TRAF2: variants seen among roughly 807,000 people sequenced by gnomAD.
TRAF2 encodes the protein TNF receptor-associated factor 2.
Under a neutral mutation model 55.6 loss-of-function variants are expected in TRAF2, and 6 were observed. That is an observed-to-expected ratio of 0.11 (90% CI 0.06 to 0.21). The LOEUF is 0.21. Ranked by LOEUF, TRAF2 falls within the 10% of genes least tolerant of loss-of-function variation. The pLI, the probability that TRAF2 is intolerant of heterozygous loss-of-function variation, is 1.00. For synonymous variants in TRAF2, 329 were observed against 276.3 expected (o/e 1.19, Z -1.89); for missense variants, 561 against 684.5 (o/e 0.82, Z 2.01).
At chr9:136,883,823 G>C (rs1234689395), upstream of TRAF2, among the ~76,000 whole-genome samples, 2 of 143,972 alleles carry the variant, frequency 1.4e-5, no homozygotes, top group Non-Finnish European at 3.0e-5. Flanking sequence ...GGCCTTTTGT[G>C]TATTTTTTTT....
At chr9:136,924,700 G>A (rs892471367) in intron 10 of TRAF2, among the ~76,000 whole-genome samples, 1 of 152,162 alleles carries the variant, frequency 6.6e-6, no homozygotes, top group Non-Finnish European at 1.5e-5. Context: ...GCAGAGGAAG[G>A]AACACAGCTT....
intron 4 of TRAF2, among the ~76,000 whole-genome samples, chr9:136,903,714 C>A (rs1849878442): frequency 6.6e-6 from 1 of 152,048 alleles, no homozygotes; most frequent in Non-Finnish European, 1.5e-5. Flanking sequence ...TGGAGTCTCA[C>A]TCTGTCACCC....
intron 1 of TRAF2, among the ~76,000 whole-genome samples, chr9:136,893,017 A>G (rs1443949528): frequency 6.6e-6 from 1 of 152,218 alleles, no homozygotes; most frequent in African/African-American, 2.4e-5. Flanking sequence ...AGTGACGTAC[A>G]TGTATGTAGC....
chr9:136,914,090 A>G (rs1850184838), intron 6 of TRAF2, among the ~76,000 whole-genome samples: 2 of 152,194 alleles, frequency 1.3e-5, no homozygotes, highest in South Asian at 4.1e-4. Context: ...CAGGAACCAC[A>G]GACGGGCAGT....
At chr9:136,909,136 T>C (rs1850035695) in intron 5 of TRAF2, among the ~76,000 whole-genome samples, 1 of 147,770 alleles carries the variant, frequency 6.8e-6, no homozygotes. Flanking sequence ...AGGTAGAGAG[T>C]GCGGTGGTGG....
chr9:136,898,699 G>A lies in TRAF2; in HGVS notation c.-28-14G>A. ...CTGGAATTGAGGTGTAACGTGCTGT[G>A]TGTTCTTCCTTAGGGCTTTGTTCGC... On this transcript the variant is annotated splice_polypyrimidine_tract_variant and intron_variant, in intron 1 of 10. Transcript: ENST00000247668. The A allele has an allele frequency of 6.2e-7, 1 of 1,611,516 alleles. No homozygotes were observed. The highest frequency in any genetic ancestry group is 8.5e-7 in the Non-Finnish European group (1 of 1,179,782).
chr9:136,886,266 A>G (rs1431870615), upstream of TRAF2: 4 of 401,138 alleles, frequency 1.0e-5, no homozygotes, highest in African/African-American at 4.3e-5. Context: ...AGGAAAAAGC[A>G]GAGGGCGACT....
At position 136,920,321 on chromosome 9, in the gene TRAF2, C is replaced by T; in HGVS notation, c.766C>T (p.Pro256Ser). The T allele has an allele frequency of 8.7e-6, 14 of 1,614,014 alleles. No homozygotes were observed. The South Asian group carries it at 1.4e-4, about 16-fold the overall frequency. The change falls in exon 8 of 11, where the codon CCC (proline) becomes TCC (serine). Residue 256 changes from proline to serine, a missense_variant. By Grantham distance (74) the Pro-to-Ser change is moderately conservative (BLOSUM62 -1). Coordinates refer to ENST00000247668, the MANE Select transcript of TRAF2 (RefSeq NM_021138.4). ...MLLSSVLEAK[P>S]LLGDQSHAGS... is the part of the protein sequence containing the mutation. ...ACTGAGCTCGGTGCTGGAGGCAAAG[C>T]CCCTCTTGGGAGACCAGAGCCACGC...
At chr9:136,890,855 T>TGGAAA (rs1849567519) in intron 1 of TRAF2, among the ~76,000 whole-genome samples, 1 of 152,166 alleles carries the variant, frequency 6.6e-6, no homozygotes, top group South Asian at 2.1e-4. Context: ...TCCAGCCGTG[T>TGGAAA]CAGGATGTCA....
chr9:136,900,307 G>A (rs1207115597), intron 3 of TRAF2, 115 bp from the exon 4 acceptor site: 1 of 641,892 alleles, frequency 1.6e-6, no homozygotes, highest in Non-Finnish European at 2.6e-6. Flanking sequence ...TCCTGGAGTG[G>A]CCTGGAAAGG....
intron 4 of TRAF2, among the ~76,000 whole-genome samples, chr9:136,901,520 A>G (rs186001317): frequency 4.6e-5 from 7 of 152,358 alleles, no homozygotes; most frequent in African/African-American, 1.7e-4. Context: ...CAAAGGACAG[A>G]TCCTCTGTGA....
Position 136,920,216 on chromosome 9 carries a change from C to G in TRAF2, c.679-18C>G. On this transcript the variant is annotated intron_variant, in intron 7 of 10. Coordinates refer to ENST00000247668, the MANE Select transcript of TRAF2 (RefSeq NM_021138.4). ...AATGGTGGATGGAGCCAGCAGCCTCCCTGCCCTGTGTCCGCAGGTAGAGGG... is the reference window on the plus strand; with the variant it reads ...AATGGTGGATGGAGCCAGCAGCCTCGCTGCCCTGTGTCCGCAGGTAGAGGG... 6.3e-7 allele frequency: 1 copy of G among 1,596,240 alleles called. No individual in the cohort carries two copies. The highest frequency in any genetic ancestry group is 1.3e-5 in the African/African-American group (1 of 74,750).
At chr9:136,891,745 A>T (rs747995655) in intron 1 of TRAF2, among the ~76,000 whole-genome samples, 4 of 150,168 alleles carry the variant, frequency 2.7e-5, no homozygotes, top group Non-Finnish European at 4.4e-5. Context: ...TTTTGAGACG[A>T]AGTTTCGCTC....
intron 9 of TRAF2, among the ~76,000 whole-genome samples, chr9:136,921,740 G>A (rs1564421875): frequency 6.6e-6 from 1 of 151,704 alleles, no homozygotes; most frequent in Non-Finnish European, 1.5e-5. Context: ...TTGAGAGGGT[G>A]CTCGTGGGGT....
chr9:136,921,475 C>A (rs575100575), intron 9 of TRAF2, among the ~76,000 whole-genome samples: 2 of 152,210 alleles, frequency 1.3e-5, no homozygotes, highest in African/African-American at 4.8e-5. Flanking sequence ...GAGGTGTGCC[C>A]CTCGTCACCC....
chr9:136,920,502 C>T lies in TRAF2; in HGVS notation c.947C>T (p.Ala316Val). The T allele has an allele frequency of 1.2e-6, 2 of 1,610,474 alleles. No individual in the cohort carries two copies. Among genetic ancestry groups the T allele is most frequent in the South Asian group, 2.2e-5 (2 of 90,826 alleles). ...CGGCTGGACCAAGACAAGATTGAAG[C>T]CCTGAGTAGCAAGGTTTGTGCCTGC... ...QHRLDQDKIE[A>V]LSSKVQQLER... is the part of the protein sequence containing the mutation. Residue 316 changes from alanine to valine, a missense_variant, in exon 8 of 11, where the codon GCC (alanine) becomes GTC (valine). This residue lies in a region of TRAF2 where 426 missense variants were observed against 476.8 expected (regional missense o/e 0.89). Transcript: ENST00000247668.
At chr9:136,898,486 G>T (rs1849737992) in intron 1 of TRAF2, 24 of 722,862 alleles carry the variant, frequency 3.3e-5, no homozygotes, top group Non-Finnish European at 4.1e-5. Flanking sequence ...CCAGCTGTGT[G>T]GTCCCCAGCC....
At position 136,905,845 on chromosome 9, in the gene TRAF2, C is replaced by T. The variant is rs922450862; in HGVS notation, c.367-2225C>T. Among the ~76,000 whole-genome samples, 12 of 152,266 alleles carry T rather than the reference C, an allele frequency of 7.9e-5. No homozygotes were observed. The Middle Eastern group carries it at 0.014, about 173-fold the overall frequency. ...TACCGCCGGGCGCGGTGGCTCACAC[C>T]TGTAATCCCAGCACTTTGGGAGGCC... On this transcript the variant is annotated intron_variant, in intron 4 of 10. Transcript: ENST00000247668.
intron 1 of TRAF2, among the ~76,000 whole-genome samples, chr9:136,896,461 T>C (rs1267092372): frequency 2.0e-5 from 3 of 152,240 alleles, no homozygotes; most frequent in Admixed American, 6.5e-5. Context: ...GGAAGCTCCA[T>C]GTTTGCTGTC....
Sources: gnomAD v4.1 joint callset for allele counts (sites outside exome capture counted in the v4.1 genomes callset) on GRCh38, gnomAD v4.1.1 for gene constraint, gnomAD v4.1.1 regional missense constraint, MANE v1.5 for transcripts, NCBI Gene and HGNC (gene_info 2026-07-23, HGNC 2026-07-21) for gene names.